IL15: variants seen among roughly 807,000 people sequenced by gnomAD.
IL15 encodes interleukin-15.
IL15 carries 11 observed loss-of-function variants against 19.6 expected under a neutral mutation model. The observed-to-expected ratio is 0.56, with a 90% CI of 0.35 to 0.93. IL15 has a LOEUF of 0.93. IL15 is among the 40% of genes least tolerant of loss of function. IL15 has a pLI of 0.01. For missense variants in IL15, 197 were observed against 186.5 expected, an observed-to-expected ratio of 1.06 and a Z score of -0.33; for synonymous variants, 58 against 59.6, an observed-to-expected ratio of 0.97 and a Z score of 0.12.
chr4:141,669,435 T>C (rs1412249203), intron 2 of IL15, among the ~76,000 whole-genome samples: 2 of 152,268 alleles, frequency 1.3e-5, no homozygotes, highest in East Asian at 1.9e-4. Context: ...CTCAAGGTGA[T>C]GAAGGCCTAG....
chr4:141,715,751 A>G (rs1031663192), intron 2 of IL15: 2 of 152,236 alleles, frequency 1.3e-5, no homozygotes, highest in African/African-American at 4.8e-5. Context: ...TTTAACCCAG[A>G]AAACCAATAC....
At chr4:141,680,331 T>G (rs1327575039) in intron 2 of IL15, among the ~76,000 whole-genome samples, 1 of 152,208 alleles carries the variant, frequency 6.6e-6, no homozygotes, top group Non-Finnish European at 1.5e-5. Flanking sequence ...CAATAACGTG[T>G]CCAGAAGTGA....
rs556498833 is a variant in IL15, at chr4:141,724,592, C to A, written c.195+2584C>A. Among the ~76,000 whole-genome samples, 15 of 151,778 alleles carry A rather than the reference C, an allele frequency of 9.9e-5. No individual in the cohort carries two copies. The South Asian group carries it at 3.1e-3, about 32-fold the overall frequency. On this transcript the variant is annotated intron_variant, in intron 5 of 7. Coordinates refer to ENST00000320650, the MANE Select transcript of IL15 (RefSeq NM_000585.5). ...ATTGACAGAAATAAGAGAGAAGACACAAATCTCAGGAATGAAATTTGGGGC... is the reference window on the plus strand; with the variant it reads ...ATTGACAGAAATAAGAGAGAAGACAAAAATCTCAGGAATGAAATTTGGGGC...
chr4:141,716,031 G>C (rs1345020147), intron 2 of IL15: 1 of 152,184 alleles, frequency 6.6e-6, no homozygotes, highest in East Asian at 1.9e-4. Flanking sequence ...GTGACTACGA[G>C]TCTAAGGGAC....
At chr4:141,672,103 T>TATAG (rs1728194567) in intron 2 of IL15, among the ~76,000 whole-genome samples, 2 of 152,226 alleles carry the variant, frequency 1.3e-5, no homozygotes, top group South Asian at 4.1e-4. Context: ...AGTCCTTCTA[T>TATAG]ATAGTTCATA....
At chr4:141,716,961 C>T (rs1729906274) in intron 2 of IL15, 1 of 152,182 alleles carries the variant, frequency 6.6e-6, no homozygotes, top group Non-Finnish European at 1.5e-5. Flanking sequence ...ATGGGAATGT[C>T]TCTTCTATAC....
chr4:141,688,225 C>T (rs1264484045), intron 2 of IL15, among the ~76,000 whole-genome samples: 5 of 152,170 alleles, frequency 3.3e-5, no homozygotes, highest in African/African-American at 1.2e-4. Context: ...GACCAATTTA[C>T]GTATCCTCCC....
At chr4:141,641,584 T>C (rs951435760) in intron 1 of IL15, among the ~76,000 whole-genome samples, 1 of 150,006 alleles carries the variant, frequency 6.7e-6, no homozygotes, top group African/African-American at 2.5e-5. Context: ...AGCAAACTAT[T>C]GCAAGGACAA....
At chr4:141,688,536 GAA>G (rs1728783642) in intron 2 of IL15, among the ~76,000 whole-genome samples, 6 of 152,172 alleles carry the variant, frequency 3.9e-5, no homozygotes, top group Non-Finnish European at 8.8e-5. Flanking sequence ...GAAGCAATTA[GAA>G]GCCTTTCACT....
intron 1 of IL15, among the ~76,000 whole-genome samples, chr4:141,641,839 A>AT (rs1560897828): frequency 2.0e-5 from 3 of 151,606 alleles, no homozygotes; most frequent in African/African-American, 7.3e-5. Flanking sequence ...TTAAAGTATA[A>AT]TTTAAAAAAA....
chr4:141,643,572 C>G (rs1362747688), intron 1 of IL15, among the ~76,000 whole-genome samples: 1 of 152,122 alleles, frequency 6.6e-6, no homozygotes, highest in Non-Finnish European at 1.5e-5. Context: ...TTCCAAGCCA[C>G]TCCCCTTCTC....
intron 2 of IL15, among the ~76,000 whole-genome samples, chr4:141,678,572 G>GA (rs113596407): frequency 0.019 from 2,483 of 131,406 alleles, 29 homozygotes; most frequent in South Asian, 0.04. Flanking sequence ...TGCACACAAT[G>GA]AAAAAAAAAA....
rs566124006 is a variant in IL15 at position 141,725,898 on chromosome 4, A to G, written c.196-2042A>G. ...CTGAAAAGTTCAAGGTTGAGGAGCC[A>G]CATCTGGTGAGGGCCTTCCTGCTGG... On this transcript the variant is annotated intron_variant, in intron 5 of 7. Transcript: ENST00000320650. 2.0e-5 allele frequency among the ~76,000 whole-genome samples: 3 copies of G among 152,318 alleles called. No homozygotes were observed. The East Asian group carries it at 5.8e-4, about 29-fold the overall frequency.
At chr4:141,721,024 T>C (rs2152189964) in intron 4 of IL15, 6 of 655,098 alleles carry the variant, frequency 9.2e-6, no homozygotes, top group Non-Finnish European at 7.7e-6. Context: ...AATTCATATG[T>C]TTCCATGACT....
At chr4:141,731,453 T>C (rs1579060542) in intron 7 of IL15, among the ~76,000 whole-genome samples, 1 of 152,342 alleles carries the variant, frequency 6.6e-6, no homozygotes, top group African/African-American at 2.4e-5. Flanking sequence ...TTTATAATAC[T>C]CTTATGATGT....
intron 2 of IL15, among the ~76,000 whole-genome samples, chr4:141,714,401 ATGT>A (rs1250232658): frequency 6.6e-6 from 1 of 151,766 alleles, no homozygotes; most frequent in Non-Finnish European, 1.5e-5. Flanking sequence ...GCATGCAAAC[ATGT>A]TGTTATTTCC....
intron 2 of IL15, among the ~76,000 whole-genome samples, chr4:141,708,072 A>G (rs1056232228): frequency 6.6e-6 from 1 of 152,188 alleles, no homozygotes; most frequent in African/African-American, 2.4e-5. Context: ...TCATGGGAGT[A>G]GGTTGCCACA....
chr4:141,715,764 G>A (rs1262325898), intron 2 of IL15: 1 of 152,036 alleles, frequency 6.6e-6, no homozygotes, highest in African/African-American at 2.4e-5. Flanking sequence ...ACCAATACTT[G>A]TAAATCTTTT....
chr4:141,700,973 A>T (rs1729277285), intron 2 of IL15, among the ~76,000 whole-genome samples: 1 of 151,914 alleles, frequency 6.6e-6, no homozygotes, highest in Admixed American at 6.6e-5. Context: ...AGAAGTTCTG[A>T]TTTTTTTAAT....
Sources: allele counts gnomAD v4.1 joint callset (sites outside exome capture counted in the v4.1 genomes callset), GRCh38; gene constraint gnomAD v4.1.1; transcripts MANE v1.5; gene names NCBI Gene and HGNC (gene_info 2026-07-23, HGNC 2026-07-21).